Variants in BICD1 observed in about 807,000 individuals in gnomAD.
BICD1 encodes the protein protein bicaudal D homolog 1.
BICD1 carries 35 observed loss-of-function variants against 92.5 expected under a neutral mutation model. That is an observed-to-expected ratio of 0.38 (90% CI 0.29 to 0.50). BICD1 has a LOEUF of 0.50. Among genes scored for constraint, BICD1 ranks in the 20% least tolerant of loss-of-function variants. The pLI is 0.93. For missense variants in BICD1, 950 were observed against 1,189.8 expected, an observed-to-expected ratio of 0.80 and a Z score of 2.97; for synonymous variants, 429 against 465.1, an observed-to-expected ratio of 0.92 and a Z score of 1.00.
rs181886549 is a variant in BICD1, at chr12:32,289,612, C to T, written c.427-4382C>T. Among the ~76,000 whole-genome samples, 35 of 152,248 alleles carry T rather than the reference C, an allele frequency of 2.3e-4. 1 individual carries two copies. In the East Asian group the frequency reaches 3.7e-3, roughly 16 times the overall value. On this transcript the variant is annotated intron_variant, in intron 2 of 9. Transcript: ENST00000652176. ...TGTTGGCCAGGATGGTTTGATCTCT[C>T]GAACTTGTGATCCGCCCACCTTGGC...
At chr12:32,195,208 A>G (rs957096017) in intron 1 of BICD1, among the ~76,000 whole-genome samples, 10 of 152,222 alleles carry the variant, frequency 6.6e-5, no homozygotes, top group African/African-American at 2.4e-4. Context: ...ATACAGATTC[A>G]ATGCGATGCC....
intron 3 of BICD1, among the ~76,000 whole-genome samples, chr12:32,296,544 A>G (rs1453613079): frequency 3.9e-5 from 6 of 152,174 alleles, no homozygotes; most frequent in Non-Finnish European, 5.9e-5. Flanking sequence ...GGTGTGAGCC[A>G]CCACGCCTGA....
At chr12:32,136,727 A>G (rs984091718) in intron 1 of BICD1, among the ~76,000 whole-genome samples, 1 of 152,168 alleles carries the variant, frequency 6.6e-6, no homozygotes, top group East Asian at 1.9e-4. Flanking sequence ...CAGGGTATTG[A>G]CATGCCATTT....
Position 32,380,923 on chromosome 12 carries a change from G to A in BICD1, c.*3296G>A, listed in dbSNP as rs1940153678. ...TGTGAAGGATGTATAGTAACTCTAGGAAAGAGATTTTTAACACTGGGAAAT... is the reference window on the plus strand; with the variant it reads ...TGTGAAGGATGTATAGTAACTCTAGAAAAGAGATTTTTAACACTGGGAAAT... On this transcript the variant is annotated 3_prime_UTR_variant, in exon 10 of 10. Transcript: ENST00000652176. 6.6e-6 allele frequency: 1 copy of A among 152,042 alleles called. No individual in the cohort carries two copies. The highest frequency in any genetic ancestry group is 6.6e-5 in the Admixed American group (1 of 15,244). The allele number at this position is 152,042 out of a possible 1,614,324, so 9.4% of individuals were successfully genotyped here.
chr12:32,140,675 A>G (rs1401407510), intron 1 of BICD1, among the ~76,000 whole-genome samples: 1 of 152,142 alleles, frequency 6.6e-6, no homozygotes, highest in Non-Finnish European at 1.5e-5. Flanking sequence ...ACCGTATTTG[A>G]TTCTGTGTTT....
At position 32,107,315 on chromosome 12, in the gene BICD1, C is replaced by T. The variant is rs755000691; in HGVS notation, c.-17C>T. ...CCCCCACCCCGTAACCCCCTCCTGC[C>T]TCCATCCACCGGGGCTATGGCCGCA... On this transcript the variant is annotated 5_prime_UTR_variant, in exon 1 of 10. Coordinates refer to ENST00000652176, the MANE Select transcript of BICD1 (RefSeq NM_001714.4). 6.3e-7 allele frequency: 1 copy of T among 1,582,484 alleles called. No individual in the cohort carries two copies. The highest frequency in any genetic ancestry group is 2.3e-5 in the East Asian group (1 of 44,056).
chr12:32,202,664 A>G (rs945492844), intron 1 of BICD1, among the ~76,000 whole-genome samples: 1 of 152,048 alleles, frequency 6.6e-6, no homozygotes, highest in Non-Finnish European at 1.5e-5. Flanking sequence ...AGGCTTGGGT[A>G]CAGTGGTGTG....
At chr12:32,122,650 G>A (rs1203476775) in intron 1 of BICD1, among the ~76,000 whole-genome samples, 7 of 152,084 alleles carry the variant, frequency 4.6e-5, no homozygotes, top group African/African-American at 1.7e-4. Flanking sequence ...TGTAAATCAT[G>A]TTGAAGTGCT....
intron 1 of BICD1, among the ~76,000 whole-genome samples, chr12:32,129,994 A>G (rs1435636677): frequency 1.3e-5 from 2 of 152,206 alleles, no homozygotes; most frequent in African/African-American, 4.8e-5. Flanking sequence ...AACAATTATT[A>G]TTCCTAAAAT....
chr12:32,300,190 C>T (rs938316915), intron 3 of BICD1, among the ~76,000 whole-genome samples: 1 of 152,058 alleles, frequency 6.6e-6, no homozygotes, highest in Non-Finnish European at 1.5e-5. Context: ...CAAGCTCTGC[C>T]TCCCGGGTTC....
chr12:32,110,220 T>C (rs1212272149), intron 1 of BICD1, among the ~76,000 whole-genome samples: 1 of 152,190 alleles, frequency 6.6e-6, no homozygotes, highest in Non-Finnish European at 1.5e-5. Flanking sequence ...GCTGTGACAA[T>C]AATGCAAGTC....
At chr12:32,339,660 A>G in intron 8 of BICD1, 3 of 985,436 alleles carry the variant, frequency 3.0e-6, no homozygotes, top group Non-Finnish European at 3.6e-6. Context: ...TGGCAAATAG[A>G]GAAAATTATT....
chr12:32,223,664 T>C (rs914037614), intron 2 of BICD1, among the ~76,000 whole-genome samples: 3 of 152,226 alleles, frequency 2.0e-5, no homozygotes, highest in African/African-American at 7.2e-5. Flanking sequence ...AGTAGCACTT[T>C]TAATTTTCTT....
intron 4 of BICD1, among the ~76,000 whole-genome samples, chr12:32,321,769 C>T (rs144166034): frequency 6.6e-6 from 1 of 152,182 alleles, no homozygotes; most frequent in South Asian, 2.1e-4. Context: ...GAGGCCAAGG[C>T]GGGTGGATCA....
intron 1 of BICD1, among the ~76,000 whole-genome samples, chr12:32,198,973 C>T (rs1372512327): frequency 6.6e-6 from 1 of 151,964 alleles, no homozygotes; most frequent in African/African-American, 2.4e-5. Context: ...TTCCATTTTC[C>T]TCTGTTAATA....
intron 1 of BICD1, among the ~76,000 whole-genome samples, chr12:32,155,546 G>A (rs1160178512): frequency 6.6e-6 from 1 of 152,120 alleles, no homozygotes; most frequent in African/African-American, 2.4e-5. Context: ...CTTGTTTATT[G>A]TAAAACAAAA....
intron 4 of BICD1, among the ~76,000 whole-genome samples, chr12:32,316,447 C>G (rs1261707582): frequency 6.6e-6 from 1 of 151,556 alleles, no homozygotes; most frequent in South Asian, 2.1e-4. Context: ...CGTGCCACCA[C>G]GCCCAGCTAA....
chr12:32,189,345 C>T (rs572342925), intron 1 of BICD1, among the ~76,000 whole-genome samples: 3 of 152,324 alleles, frequency 2.0e-5, no homozygotes, highest in Admixed American at 2.0e-4. Flanking sequence ...CTGAGCTTCA[C>T]CTCACTGTTA....
chr12:32,213,634 G>A (rs1945278280), intron 1 of BICD1, among the ~76,000 whole-genome samples: 2 of 152,152 alleles, frequency 1.3e-5, no homozygotes, highest in South Asian at 4.1e-4. Context: ...GACCTCAGAT[G>A]ATCTGTCTCC....
Sources: gnomAD v4.1 joint callset for allele counts (sites outside exome capture counted in the v4.1 genomes callset) on GRCh38, gnomAD v4.1.1 for gene constraint, MANE v1.5 for transcripts, NCBI Gene and HGNC (gene_info 2026-07-23, HGNC 2026-07-21) for gene names.